The following TNK2 variants were observed in gnomAD, a reference collection of about 807,000 sequenced individuals.
TNK2 encodes the protein tyrosine kinase non receptor 2, also known as activated CDC42 kinase 1.
A neutral mutation model predicts 101.8 loss-of-function variants in TNK2; 83 were observed. The ratio of observed to expected loss-of-function variants is 0.82; its 90% CI spans 0.68 to 0.98. The LOEUF is 0.98. Ranked by LOEUF, TNK2 falls within the 50% of genes least tolerant of loss-of-function variation. TNK2 has a pLI of 0.00. For missense variants in TNK2, 1,665 were observed against 1,483.2 expected, an observed-to-expected ratio of 1.12 and a Z score of -2.01; for synonymous variants, 804 against 633.0, an observed-to-expected ratio of 1.27 and a Z score of -4.06.
chr3:195,900,770 G>A (rs1374323986), intron 1 of TNK2, among the ~76,000 whole-genome samples: 2 of 152,206 alleles, frequency 1.3e-5, no homozygotes, highest in Non-Finnish European at 2.9e-5. Context: ...GTCACGGCAC[G>A]GGGGCCCAGA....
intron 1 of TNK2, among the ~76,000 whole-genome samples, chr3:195,889,573 G>T (rs761906295): frequency 6.6e-5 from 10 of 152,122 alleles, no homozygotes; most frequent in Admixed American, 6.5e-4. Context: ...CTTAATATTC[G>T]TCTTTCTCCT....
intron 11 of TNK2, chr3:195,869,815 A>T (rs1743722863): frequency 1.7e-6 from 1 of 579,986 alleles, no homozygotes; most frequent in Non-Finnish European, 3.1e-6. Flanking sequence ...ACAGGAGAGC[A>T]GGATTAGGGG....
chr3:195,880,655 T>C (rs1250191977), intron 6 of TNK2, among the ~76,000 whole-genome samples: 1 of 88,782 alleles, frequency 1.1e-5, no homozygotes, highest in Admixed American at 1.2e-4. Flanking sequence ...ACACAGCATA[T>C]ATCCCTGTAT....
chr3:195,883,498 C>G, intron 4 of TNK2, 189 bp from the exon 5 acceptor site: 1 of 639,868 alleles, frequency 1.6e-6, no homozygotes, highest in Non-Finnish European at 2.6e-6. Flanking sequence ...GGGCAGACGG[C>G]TGGCCCTCAG....
intron 9 of TNK2, among the ~76,000 whole-genome samples, chr3:195,875,750 G>A (rs928960163): frequency 6.6e-6 from 1 of 152,174 alleles, no homozygotes; most frequent in Admixed American, 6.5e-5. Flanking sequence ...GGCGGATGAG[G>A]ACTTCCTGGG....
intron 1 of TNK2, among the ~76,000 whole-genome samples, chr3:195,897,740 AT>A (rs1577117363): frequency 1.3e-5 from 2 of 151,514 alleles, no homozygotes; most frequent in Non-Finnish European, 1.5e-5. Flanking sequence ...GGGCTCAAGC[AT>A]TCTACCAGCC....
rs1755645039 is a variant in TNK2 at position 195,886,497 on chromosome 3, G to A, written c.234+480C>T. Among the ~76,000 whole-genome samples, 2 of 152,162 alleles carry A rather than the reference G, an allele frequency of 1.3e-5. No individual in the cohort carries two copies. Among genetic ancestry groups the A allele is most frequent in the Admixed American group, 6.5e-5 (1 of 15,278 alleles). On this transcript the variant is annotated intron_variant, in intron 3 of 15. Coordinates refer to ENST00000672887, the MANE Select transcript of TNK2 (RefSeq NM_001382273.1). This position sits in a 1 kb window ranked among gnomAD's most constrained non-coding sequence, Gnocchi z 4.2. Reference sequence around the variant, plus strand: ...ACACCACAGACCCAAATTAGGACAAGGTGTGGGGAGAGGTGGGGACAGGCT... The same window carrying A: ...ACACCACAGACCCAAATTAGGACAAAGTGTGGGGAGAGGTGGGGACAGGCT...
Position 195,878,908 on chromosome 3 carries a change from G to A in TNK2, c.1014+141C>T, listed in dbSNP as rs561394295. On this transcript the variant is annotated intron_variant, in intron 7 of 15. Coordinates refer to ENST00000672887, the MANE Select transcript of TNK2 (RefSeq NM_001382273.1). The surrounding 1 kb of genome is among the most constrained non-coding windows in gnomAD (Gnocchi z 4.7). The stretch of plus-strand genomic sequence containing the variant: ...TGAGAGGAGACACGGGGCGTGGTGG[G>A]AGGCACGGGAAGTGGGGGGAGGCAC... 6.9e-3 allele frequency: 9,254 copies of A among 1,332,578 alleles called. 74 individuals are homozygous for A. The highest frequency in any genetic ancestry group is 7.9e-3 in the Non-Finnish European group (7,649 of 967,792). 82.5% of individuals were successfully genotyped at this position (1,332,578 alleles called of 1,614,324 possible).
In TNK2 at chr3:195,867,739, C is replaced by A. The variant is rs566117421; in HGVS notation, c.2559G>T (p.Pro853=). ...ATPQVIQAPG[P]RAGPCILPIV... is the part of the protein sequence containing the mutation. Reference sequence around the variant, plus strand: ...TGGGCAGGATGCAGGGACCAGCCCGCGGGCCAGGGGCCTGGATCACCTGGG... The same window carrying A: ...TGGGCAGGATGCAGGGACCAGCCCGAGGGCCAGGGGCCTGGATCACCTGGG... The change falls in exon 13 of 16, where the codon CCG becomes CCT. Residue 853 remains proline, a synonymous_variant. Transcript: ENST00000672887. The A allele has an allele frequency of 1.2e-6, 2 of 1,600,934 alleles. No individual in the cohort carries two copies. Among genetic ancestry groups the A allele is most frequent in the Non-Finnish European group, 1.7e-6 (2 of 1,174,680 alleles).
intron 12 of TNK2, 184 bp from the exon 13 acceptor site, chr3:195,868,893 G>A (rs1188332232): frequency 4.5e-6 from 3 of 659,840 alleles, no homozygotes; most frequent in East Asian, 3.1e-5. Flanking sequence ...ACTCCATCAG[G>A]AGGGCGGAAC....
intron 9 of TNK2, among the ~76,000 whole-genome samples, chr3:195,872,989 G>T (rs917151559): frequency 1.3e-5 from 2 of 152,156 alleles, no homozygotes; most frequent in Non-Finnish European, 2.9e-5. Flanking sequence ...TAGGCTGGGG[G>T]CCAGGCCTCC....
Position 195,882,309 on chromosome 3 carries a change from A to G in TNK2, c.629T>C (p.Leu210Pro). ...PMKMVTELAP[L>P]GSLLDRLRKH... ...ACGTAGCCGGTCCAACAACGATCCC[A>G]GAGGTGCCAGCTCTGTCACCTGAGG... Residue 210 changes from leucine to proline, a missense_variant, in exon 6 of 16, where the codon CTG (leucine) becomes CCG (proline). Physicochemically the swap from Leu to Pro is moderately conservative, Grantham distance 98. Transcript: ENST00000672887. The surrounding 1 kb of genome is among the most constrained non-coding windows in gnomAD (Gnocchi z 4.2). 1 of 1,612,206 alleles carries G rather than the reference A, an allele frequency of 6.2e-7. No individual in the cohort carries two copies. Among genetic ancestry groups the G allele is most frequent in the Non-Finnish European group, 8.5e-7 (1 of 1,178,806 alleles).
At chr3:195,898,348 A>C (rs772221196) in intron 1 of TNK2, among the ~76,000 whole-genome samples, 56 of 152,242 alleles carry the variant, frequency 3.7e-4, no homozygotes, top group Non-Finnish European at 6.8e-4. Context: ...TTGAGCAAAC[A>C]ACCTCTAAGC....
chr3:195,887,150 C>A, intron 2 of TNK2, 103 bp from the exon 3 acceptor site: 1 of 1,137,230 alleles, frequency 8.8e-7, no homozygotes, highest in Non-Finnish European at 1.3e-6. Context: ...TAGACACCGC[C>A]CACCCGATGA....
In TNK2 at chr3:195,865,955, A is replaced by T. The variant is rs936879626; in HGVS notation, c.3161+934T>A. ...CCGTGCACAGGGCCACGCTGCTGGG[A>T]CAAGGGCAGCAGGTATCTCCAGGGC... On this transcript the variant is annotated intron_variant, in intron 15 of 15. Transcript: ENST00000672887. 3.9e-5 allele frequency among the ~76,000 whole-genome samples: 6 copies of T among 152,224 alleles called. No individual in the cohort carries two copies. The South Asian group carries it at 6.2e-4, about 16-fold the overall frequency.
Position 195,867,496 on chromosome 3 carries a change from G to A in TNK2, c.2802C>T (p.Pro934=). Residue 934 remains proline, a synonymous_variant, in exon 13 of 16, where the codon CCC becomes CCT. Coordinates refer to ENST00000672887, the MANE Select transcript of TNK2 (RefSeq NM_001382273.1). The part of the protein sequence containing the change: ...VRPMPQAALD[P]KANFSTNNSN... ...TGTTGTTGGTGGAGAAGTTGGCCTT[G>A]GGGTCCAAGGCAGCCTGGGGCATCG... 1.3e-6 allele frequency: 2 copies of A among 1,570,108 alleles called. No homozygotes were observed. Among genetic ancestry groups the A allele is most frequent in the Non-Finnish European group, 1.7e-6 (2 of 1,165,988 alleles).
At chr3:195,870,481 CCCCCCAGG>C in intron 10 of TNK2, 1 of 1,090,390 alleles carries the variant, frequency 9.2e-7, no homozygotes, top group South Asian at 1.5e-5. Context: ...TCCTCCACAA[CCCCCCAGG>C]CCCCCAGCCC....
intron 9 of TNK2, chr3:195,876,682 G>C (rs1403158153): frequency 1.5e-5 from 7 of 453,326 alleles, no homozygotes; most frequent in Non-Finnish European, 3.1e-5. Flanking sequence ...CAGGGGGAAG[G>C]AGCCCCCAGA....
intron 1 of TNK2, chr3:195,908,185 A>G: frequency 6.4e-6 from 1 of 155,180 alleles, no homozygotes; most frequent in Non-Finnish European, 1.4e-5. Context: ...TGGAGGGGGG[A>G]CCGTCCTGCA....
Sources: allele counts gnomAD v4.1 joint callset (sites outside exome capture counted in the v4.1 genomes callset), GRCh38; gene constraint gnomAD v4.1.1; non-coding constraint Gnocchi (gnomAD v3.1); transcripts MANE v1.5; gene names NCBI Gene and HGNC (gene_info 2026-07-23, HGNC 2026-07-21).